The following PSPC1 variants were observed in gnomAD, a reference collection of about 807,000 sequenced individuals.
The protein encoded by PSPC1 is paraspeckle component 1.
PSPC1 carries 14 observed loss-of-function variants against 51.6 expected under a neutral mutation model. That is an observed-to-expected ratio of 0.27 (90% CI 0.18 to 0.42). The LOEUF (loss-of-function observed/expected upper bound fraction) is 0.42. Ranked by LOEUF, PSPC1 falls within the 10% of genes least tolerant of loss-of-function variation. The probability of loss-of-function intolerance (pLI) is 1.00; values close to 1 mark genes in which losing one functional copy is unlikely to be tolerated. For synonymous variants in PSPC1, 193 were observed against 231.9 expected (o/e 0.83, Z 1.53); for missense variants, 406 against 701.1 (o/e 0.58, Z 4.75).
rs776306907 is a variant in PSPC1, at chr13:19,772,454, A to G, written c.462T>C (p.His154=). The G allele has an allele frequency of 6.2e-7, 1 of 1,614,234 alleles. No homozygotes were observed. The highest frequency in any genetic ancestry group is 8.5e-7 in the Non-Finnish European group (1 of 1,180,044). Residue 154 remains histidine, a synonymous_variant, in exon 2 of 9, where the codon CAT becomes CAC. Coordinates refer to ENST00000338910, the MANE Select transcript of PSPC1 (RefSeq NM_001354909.2). ...SRPLRIRFAT[H]GAALTVKNLS... is the part of the protein sequence containing the mutation. ...GGTTCTTGACAGTCAAGGCTGCTCCATGTGTAGCGAAGCGAATCCGTAGAG... is the reference window on the plus strand; with the variant it reads ...GGTTCTTGACAGTCAAGGCTGCTCCGTGTGTAGCGAAGCGAATCCGTAGAG...
chr13:19,698,704 A>C (rs1263012863), downstream of PSPC1, among the ~76,000 whole-genome samples: 1 of 151,946 alleles, frequency 6.6e-6, no homozygotes, highest in African/African-American at 2.4e-5. Context: ...ATTTAAAAAG[A>C]ACAATTCTGA....
At chr13:19,671,778 G>A, downstream of PSPC1, 2 of 1,561,196 alleles carry the variant, frequency 1.3e-6, no homozygotes, top group East Asian at 2.2e-5. Flanking sequence ...GTTTTTTCTT[G>A]TAAGAAAGGG....
intron 6 of PSPC1, among the ~76,000 whole-genome samples, chr13:19,711,670 A>G (rs945483655): frequency 1.7e-4 from 24 of 143,184 alleles, no homozygotes; most frequent in African/African-American, 6.1e-4. Flanking sequence ...AAGAAACCCC[A>G]TCTCTACTAA....
chr13:19,781,133 G>C (rs905160976), intron 1 of PSPC1, among the ~76,000 whole-genome samples: 1 of 145,310 alleles, frequency 6.9e-6, no homozygotes, highest in Non-Finnish European at 1.5e-5. Context: ...GTGATAGAGC[G>C]AGACCCAGTC....
chr13:19,688,631 C>T (rs994977292), intron 6 of PSPC1, among the ~76,000 whole-genome samples: 1 of 152,172 alleles, frequency 6.6e-6, no homozygotes, highest in Non-Finnish European at 1.5e-5. Flanking sequence ...CTCATATCTA[C>T]CCCACGCTGG....
chr13:19,720,167 G>T (rs965142636), intron 6 of PSPC1, among the ~76,000 whole-genome samples: 1 of 152,154 alleles, frequency 6.6e-6, no homozygotes, highest in South Asian at 2.1e-4. Context: ...GATACCAGCT[G>T]TAAGACAAAC....
rs866536531 is a variant in PSPC1 at position 19,751,365 on chromosome 13, C to T, written c.873G>A (p.Glu291=). 3.1e-6 allele frequency: 5 copies of T among 1,593,476 alleles called. No homozygotes were observed. Among genetic ancestry groups the T allele is most frequent in the Middle Eastern group, 1.7e-4 (1 of 5,998 alleles). The change falls in exon 4 of 9, where the codon GAG becomes GAA. Residue 291 remains glutamate (E), a synonymous_variant. Coordinates refer to ENST00000338910, the MANE Select transcript of PSPC1 (RefSeq NM_001354909.2). ...CTTCTCTGATGTTTCTATCAACCTG[C>T]TCACGCTGCTGCTTTTCCATTTCAT... is the stretch of plus-strand genomic sequence containing the variant. The part of the protein sequence containing the change: ...ALDEMEKQQR[E]QVDRNIREAK...
chr13:19,713,249 C>A (rs1881662300), intron 6 of PSPC1, among the ~76,000 whole-genome samples: 2 of 152,194 alleles, frequency 1.3e-5, no homozygotes, highest in South Asian at 4.1e-4. Flanking sequence ...TAAGCCAAAA[C>A]AACTTATTTG....
chr13:19,736,394 C>T (rs563221007), intron 5 of PSPC1, among the ~76,000 whole-genome samples: 33 of 152,118 alleles, frequency 2.2e-4, no homozygotes, highest in African/African-American at 7.5e-4. Flanking sequence ...TAAAAAATTA[C>T]ATCTTCAGGC....
intron 6 of PSPC1, chr13:19,678,484 T>C (rs1297832013): frequency 2.0e-5 from 3 of 152,210 alleles, no homozygotes; most frequent in Non-Finnish European, 2.9e-5. Flanking sequence ...CACATAAACA[T>C]ACAGCTGTGT....
At chr13:19,684,533 G>A (rs201407053) in intron 6 of PSPC1, among the ~76,000 whole-genome samples, 2 of 152,106 alleles carry the variant, frequency 1.3e-5, no homozygotes, top group South Asian at 2.1e-4. Flanking sequence ...CACCACACAC[G>A]TAAAACCATT....
intron 6 of PSPC1, among the ~76,000 whole-genome samples, chr13:19,720,552 G>T (rs966657525): frequency 2.0e-5 from 3 of 152,098 alleles, no homozygotes; most frequent in Non-Finnish European, 4.4e-5. Flanking sequence ...TTTCTTCTAA[G>T]TAACTAACTC....
chr13:19,751,883 C>T (rs1886592904), intron 3 of PSPC1, among the ~76,000 whole-genome samples: 1 of 151,992 alleles, frequency 6.6e-6, no homozygotes, highest in Admixed American at 6.6e-5. Flanking sequence ...TTGTGAAATC[C>T]CGTCTCTACT....
intron 4 of PSPC1, 69 bp from the exon 5 acceptor site, chr13:19,741,718 G>A: frequency 1.0e-6 from 1 of 992,532 alleles, no homozygotes; most frequent in Non-Finnish European, 1.5e-6. Flanking sequence ...AATAAGCATA[G>A]AAGTTCTCTA....
intron 6 of PSPC1, among the ~76,000 whole-genome samples, chr13:19,694,040 G>A (rs1293775384): frequency 6.7e-6 from 1 of 149,502 alleles, no homozygotes; most frequent in Non-Finnish European, 1.5e-5. Flanking sequence ...GGAGAATGGC[G>A]TGAACCCGGG....
chr13:19,703,101 C>T lies in PSPC1; in HGVS notation c.*74G>A. ...TACATTAACAATAAAACCATTTCTTCCAGATAACAGGTAAAAGTATAAAGG... is the reference window on the plus strand; with the variant it reads ...TACATTAACAATAAAACCATTTCTTTCAGATAACAGGTAAAAGTATAAAGG... On this transcript the variant is annotated 3_prime_UTR_variant, in exon 9 of 9. Coordinates refer to ENST00000338910, the MANE Select transcript of PSPC1 (RefSeq NM_001354909.2). The T allele has an allele frequency of 9.3e-6, 12 of 1,290,332 alleles. No individual in the cohort carries two copies. The highest frequency in any genetic ancestry group is 1.3e-5 in the Non-Finnish European group (12 of 923,914). The allele number at this position is 1,290,332 out of a possible 1,614,324, so 79.9% of individuals were successfully genotyped here.
intron 3 of PSPC1, among the ~76,000 whole-genome samples, chr13:19,752,558 A>T (rs1278487501): frequency 2.0e-5 from 3 of 151,852 alleles, no homozygotes; most frequent in Non-Finnish European, 4.4e-5. Context: ...CCTGGTCCCC[A>T]GTCAATTTTT....
At chr13:19,729,669 C>G (rs1462435076) in intron 6 of PSPC1, among the ~76,000 whole-genome samples, 2 of 150,908 alleles carry the variant, frequency 1.3e-5, no homozygotes, top group Admixed American at 6.6e-5. Context: ...CTGTGCAAAT[C>G]TGGGCTTTAA....
intron 6 of PSPC1, among the ~76,000 whole-genome samples, chr13:19,717,663 A>G (rs2137828869): frequency 6.9e-6 from 1 of 144,504 alleles, no homozygotes; most frequent in Middle Eastern, 3.7e-3. Flanking sequence ...CCATGATAAC[A>G]CCACTGCTCT....
Sources: allele counts gnomAD v4.1 joint callset (sites outside exome capture counted in the v4.1 genomes callset), GRCh38; gene constraint gnomAD v4.1.1; transcripts MANE v1.5; gene names NCBI Gene and HGNC (gene_info 2026-07-23, HGNC 2026-07-21).